The following MNAT1 variants were observed in gnomAD, a reference collection of about 807,000 sequenced individuals.
MNAT1 encodes the protein MNAT1 component of CDK activating kinase.
In MNAT1, 43 loss-of-function variants were observed where a neutral mutation model predicts 42.0. The ratio of observed to expected loss-of-function variants is 1.02; its 90% CI spans 0.80 to 1.32. The LOEUF (loss-of-function observed/expected upper bound fraction) is 1.32, where lower values mean the gene tolerates loss of function less well. Among genes scored for constraint, MNAT1 ranks in the 40% most tolerant of loss-of-function variants. The probability of loss-of-function intolerance (pLI) is 0.00; values close to 1 mark genes in which losing one functional copy is unlikely to be tolerated. For missense variants in MNAT1, 306 were observed against 350.4 expected (o/e 0.87, Z 1.01); for synonymous variants, 118 against 120.0 (o/e 0.98, Z 0.11).
At chr14:60,895,799 A>G (rs1011350591) in intron 7 of MNAT1, among the ~76,000 whole-genome samples, 12 of 152,120 alleles carry the variant, frequency 7.9e-5, no homozygotes, top group African/African-American at 2.7e-4. Context: ...AAAAGAAATC[A>G]TCTCGTTTCC....
At chr14:60,955,237 G>A (rs918177235) in intron 7 of MNAT1, among the ~76,000 whole-genome samples, 3 of 152,086 alleles carry the variant, frequency 2.0e-5, no homozygotes, top group Non-Finnish European at 4.4e-5. Flanking sequence ...AAGCTTGGAA[G>A]TATTGTCTCC....
intron 7 of MNAT1, among the ~76,000 whole-genome samples, chr14:60,889,036 T>C (rs1399207641): frequency 2.1e-5 from 3 of 145,868 alleles, no homozygotes; most frequent in South Asian, 2.2e-4. Context: ...AGGTAATTTA[T>C]AGATTCAATG....
At chr14:60,807,949 T>A (rs1445427468) in intron 3 of MNAT1, among the ~76,000 whole-genome samples, 6 of 152,206 alleles carry the variant, frequency 3.9e-5, no homozygotes, top group Admixed American at 6.5e-5. Context: ...ACTCTTTTTT[T>A]AAAATTCTGA....
At chr14:60,752,639 T>A (rs556885816) in intron 1 of MNAT1, among the ~76,000 whole-genome samples, 1 of 152,298 alleles carries the variant, frequency 6.6e-6, no homozygotes, top group South Asian at 2.1e-4. Flanking sequence ...TATTCCAGCC[T>A]GGGTGACAGA....
chr14:60,926,347 A>G (rs2035763386), intron 7 of MNAT1, among the ~76,000 whole-genome samples: 1 of 152,168 alleles, frequency 6.6e-6, no homozygotes, highest in Non-Finnish European at 1.5e-5. Flanking sequence ...GTCTATCTGA[A>G]GATAGTATCA....
chr14:60,821,263 T>A (rs1229777520), intron 6 of MNAT1, among the ~76,000 whole-genome samples: 1 of 152,190 alleles, frequency 6.6e-6, no homozygotes, highest in Non-Finnish European at 1.5e-5. Flanking sequence ...ATTACAGGCA[T>A]GGGCTACCAC....
In MNAT1 at chr14:60,740,516, TAA is replaced by T. The variant is rs930669224; in HGVS notation, c.89+5566_89+5567del. Among the ~76,000 whole-genome samples, 17 of 152,302 alleles carry T rather than the reference TAA, an allele frequency of 1.1e-4. No individual in the cohort carries two copies. Among genetic ancestry groups the T allele is most frequent in the African/African-American group, 2.4e-4 (10 of 41,576 alleles). On this transcript the variant is annotated intron_variant, in intron 1 of 7. Coordinates refer to ENST00000261245, the MANE Select transcript of MNAT1 (RefSeq NM_002431.4). The surrounding 1 kb of genome is among the most constrained non-coding windows in gnomAD (Gnocchi z 4.1). The stretch of plus-strand genomic sequence containing the variant: ...GTTATGTTTAAAAGTTTTATCAGAT[TAA>T]GTTTGAATTTATTTGTTGATAAGAA...
Position 60,941,861 on chromosome 14 carries a change from G to A in MNAT1, c.810-26368G>A, listed in dbSNP as rs1321559277. On this transcript the variant is annotated intron_variant, in intron 7 of 7. Coordinates refer to ENST00000261245, the MANE Select transcript of MNAT1 (RefSeq NM_002431.4). ...CTACTAAAAATACAAAAAATTAGCCGGGCGTAATGGCGGGCGCCTGTAATT... is the reference window on the plus strand; with the variant it reads ...CTACTAAAAATACAAAAAATTAGCCAGGCGTAATGGCGGGCGCCTGTAATT... Among the ~76,000 whole-genome samples the A allele has an allele frequency of 7.9e-5, 12 of 151,126 alleles. No individual in the cohort carries two copies. The East Asian group carries it at 1.5e-3, about 20-fold the overall frequency.
At position 60,969,600 on chromosome 14, in the gene MNAT1, T is replaced by C. The variant is rs1011989210; in HGVS notation, c.*1251T>C. 6 of 152,194 alleles carry C rather than the reference T, an allele frequency of 3.9e-5. No homozygotes were observed. Among genetic ancestry groups the C allele is most frequent in the African/African-American group, 1.4e-4 (6 of 41,468 alleles). The allele number at this position is 152,194 out of a possible 1,614,324, so 9.4% of individuals were successfully genotyped here. A position where few individuals can be genotyped will look rare whatever the true frequency, so the allele number is the denominator to read the frequency against. On this transcript the variant is annotated 3_prime_UTR_variant, in exon 8 of 8. Coordinates refer to ENST00000261245, the MANE Select transcript of MNAT1 (RefSeq NM_002431.4). Reference sequence around the variant, plus strand: ...CCAGAATTAGAATGCAGGTTTTTTTTTTCAAAGTCCAGTTCCATCTACATT... The same window carrying C: ...CCAGAATTAGAATGCAGGTTTTTTTCTTCAAAGTCCAGTTCCATCTACATT...
At chr14:60,845,129 G>A (rs1000771306) in intron 6 of MNAT1, among the ~76,000 whole-genome samples, 2 of 151,796 alleles carry the variant, frequency 1.3e-5, no homozygotes, top group Admixed American at 6.6e-5. Context: ...GGTTTTGTTA[G>A]CGTCATTGGC....
intron 6 of MNAT1, among the ~76,000 whole-genome samples, chr14:60,872,507 A>G (rs1305395634): frequency 2.0e-5 from 3 of 151,952 alleles, no homozygotes; most frequent in Admixed American, 6.6e-5. Flanking sequence ...TTGCAGTTTT[A>G]ATTATAATTA....
At chr14:60,918,092 A>C (rs2035566687) in intron 7 of MNAT1, among the ~76,000 whole-genome samples, 1 of 150,322 alleles carries the variant, frequency 6.7e-6, no homozygotes. Context: ...ATGGCTTGTA[A>C]TTTGGTTGAA....
At chr14:60,921,067 C>T (rs1314061694) in intron 7 of MNAT1, among the ~76,000 whole-genome samples, 2 of 152,106 alleles carry the variant, frequency 1.3e-5, no homozygotes, top group African/African-American at 4.8e-5. Flanking sequence ...CTAAGTCCTT[C>T]TACCATGAAT....
At chr14:60,904,976 C>CTTTTTTTTTTTTTTTTTTTTTTT (rs3081651) in intron 7 of MNAT1, among the ~76,000 whole-genome samples, 3 of 79,010 alleles carry the variant, frequency 3.8e-5, no homozygotes, top group African/African-American at 8.9e-5. Context: ...TCAGCAGTTC[C>CTTTTTTTTTTTTTTTTTTTTTTT]TTTTTTTTTT....
At chr14:60,848,629 G>A (rs1427393472) in intron 6 of MNAT1, among the ~76,000 whole-genome samples, 1 of 151,920 alleles carries the variant, frequency 6.6e-6, no homozygotes, top group East Asian at 1.9e-4. Context: ...TCATGTTGTG[G>A]CGTTATGTAC....
At chr14:60,967,150 C>T (rs1302880402) in intron 7 of MNAT1, among the ~76,000 whole-genome samples, 1 of 151,984 alleles carries the variant, frequency 6.6e-6, no homozygotes, top group Non-Finnish European at 1.5e-5. Flanking sequence ...CCCATTTTTT[C>T]TACTGGACTC....
chr14:60,940,128 C>T (rs187780903), intron 7 of MNAT1, among the ~76,000 whole-genome samples: 289 of 152,248 alleles, frequency 1.9e-3, no homozygotes, highest in African/African-American at 6.8e-3. Context: ...ATGTGTGTCT[C>T]TGCACGTGAG....
intron 7 of MNAT1, among the ~76,000 whole-genome samples, chr14:60,883,042 T>C (rs1302993473): frequency 6.6e-6 from 1 of 152,110 alleles, no homozygotes; most frequent in Non-Finnish European, 1.5e-5. Context: ...GTTGTCTCTT[T>C]GTTCATCGAT....
At chr14:60,813,105 G>A (rs975395285) in intron 5 of MNAT1, among the ~76,000 whole-genome samples, 1 of 152,214 alleles carries the variant, frequency 6.6e-6, no homozygotes, top group Admixed American at 6.5e-5. Flanking sequence ...CTTTGGGGTT[G>A]TGGGCCCCCT....
Sources: allele counts gnomAD v4.1 joint callset (sites outside exome capture counted in the v4.1 genomes callset), GRCh38; gene constraint gnomAD v4.1.1; non-coding constraint Gnocchi (gnomAD v3.1); transcripts MANE v1.5; gene names NCBI Gene and HGNC (gene_info 2026-07-23, HGNC 2026-07-21).